Variants in CFAP300 observed in about 807,000 individuals in gnomAD.
CFAP300 encodes the protein cilia and flagella associated protein 300.
CFAP300 carries 32 observed loss-of-function variants against 33.0 expected under a neutral mutation model. The ratio of observed to expected loss-of-function variants is 0.97; its 90% CI spans 0.73 to 1.30. The LOEUF (loss-of-function observed/expected upper bound fraction) is 1.30. CFAP300 is among the 50% of genes most tolerant of loss of function. CFAP300 has a pLI of 0.00. For missense variants in CFAP300, 356 were observed against 318.1 expected (o/e 1.12, Z -0.90); for synonymous variants, 102 against 106.8 (o/e 0.95, Z 0.28).
Position 102,081,404 on chromosome 11 carries a change from G to A in CFAP300, c.675+123G>A. On this transcript the variant is annotated intron_variant, in intron 6 of 6. Transcript: ENST00000434758. ...AGGAGAAAAGACAATGTTATTTAGAGTTTTGTTAAAATTAAAAGTTGATAG... is the reference window on the plus strand; with the variant it reads ...AGGAGAAAAGACAATGTTATTTAGAATTTTGTTAAAATTAAAAGTTGATAG... 4.9e-6 allele frequency: 4 copies of A among 819,280 alleles called. No homozygotes were observed. In the South Asian group the frequency reaches 7.1e-5, roughly 14 times the overall value. The allele number at this position is 819,280 out of a possible 1,614,324, so 50.8% of individuals were successfully genotyped here.
intron 2 of CFAP300, chr11:102,057,923 T>C (rs150912980): frequency 0.014 from 2,157 of 152,418 alleles, 33 homozygotes; most frequent in Middle Eastern, 0.041. Flanking sequence ...TTGATGTTTA[T>C]GGCCATACCA....
rs370624488 is a variant in CFAP300 at position 102,074,042 on chromosome 11, T to G, written c.436-1831T>G. 1.6e-4 allele frequency among the ~76,000 whole-genome samples: 25 copies of G among 152,272 alleles called. 1 individual carries two copies. The highest frequency in any genetic ancestry group is 1.2e-3 in the Admixed American group (18 of 15,296). ...CAGCCTCCTCAGTGTACTGCGTCAC[T>G]CATTCCCTGGGGTACAAGACACCAT... On this transcript the variant is annotated intron_variant, in intron 4 of 6. Coordinates refer to ENST00000434758, the MANE Select transcript of CFAP300 (RefSeq NM_032930.3).
intron 5 of CFAP300, among the ~76,000 whole-genome samples, chr11:102,080,159 AT>A (rs955224002): frequency 6.6e-6 from 1 of 152,122 alleles, no homozygotes; most frequent in African/African-American, 2.4e-5. Context: ...TGTGTAAAAA[AT>A]GTTTTACAAA....
intron 4 of CFAP300, among the ~76,000 whole-genome samples, chr11:102,072,235 A>C (rs1246459527): frequency 6.7e-6 from 1 of 148,328 alleles, no homozygotes; most frequent in Non-Finnish European, 1.5e-5. Context: ...AAGTTCTGAA[A>C]CTCTTTCTTT....
intron 6 of CFAP300, among the ~76,000 whole-genome samples, 184 bp from the exon 7 acceptor site, chr11:102,082,887 C>T (rs556256814): frequency 6.6e-6 from 1 of 152,258 alleles, no homozygotes; most frequent in East Asian, 1.9e-4. Flanking sequence ...ATCCCAGCTA[C>T]TCGGGAAGCT....
intron 3 of CFAP300, among the ~76,000 whole-genome samples, chr11:102,062,761 A>T (rs1942167123): frequency 6.6e-6 from 1 of 152,202 alleles, no homozygotes; most frequent in African/African-American, 2.4e-5. Context: ...TGAAGAGAAC[A>T]CTGTTCAGAA....
At chr11:102,081,748 C>T (rs576594125) in intron 6 of CFAP300, among the ~76,000 whole-genome samples, 4 of 152,090 alleles carry the variant, frequency 2.6e-5, no homozygotes, top group East Asian at 3.9e-4. Context: ...AAAAATTAGC[C>T]GGGCATGGTG....
intron 5 of CFAP300, among the ~76,000 whole-genome samples, chr11:102,079,147 G>A (rs898138791): frequency 3.3e-5 from 5 of 152,128 alleles, no homozygotes; most frequent in African/African-American, 9.7e-5. Context: ...AATAATTTAT[G>A]TATAGTAAAA....
chr11:102,073,520 G>A (rs1483223464), intron 4 of CFAP300, among the ~76,000 whole-genome samples: 2 of 152,212 alleles, frequency 1.3e-5, no homozygotes, highest in African/African-American at 2.4e-5. Flanking sequence ...GGATCCTCTT[G>A]TGAGTTGGGC....
intron 3 of CFAP300, among the ~76,000 whole-genome samples, chr11:102,060,943 A>G (rs928188016): frequency 1.3e-5 from 2 of 152,170 alleles, no homozygotes; most frequent in Non-Finnish European, 2.9e-5. Context: ...CCAACTCAAA[A>G]TTTTCAAAAG....
chr11:102,063,919 A>G (rs975079224), intron 3 of CFAP300, among the ~76,000 whole-genome samples: 1 of 152,192 alleles, frequency 6.6e-6, no homozygotes, highest in Non-Finnish European at 1.5e-5. Context: ...GTTACATGTT[A>G]TAGACTCAAT....
intron 4 of CFAP300, among the ~76,000 whole-genome samples, chr11:102,070,406 C>A (rs2135039329): frequency 6.6e-6 from 1 of 152,288 alleles, no homozygotes; most frequent in African/African-American, 2.4e-5. Context: ...TAATTAAGTG[C>A]ACTTGCTACT....
intron 6 of CFAP300, among the ~76,000 whole-genome samples, chr11:102,081,823 G>C: frequency 6.6e-6 from 1 of 150,784 alleles, no homozygotes; most frequent in Non-Finnish European, 1.5e-5. Flanking sequence ...CCTGGGAGGC[G>C]GAGGTTGCAG....
At chr11:102,076,814 C>T (rs967928553) in intron 5 of CFAP300, among the ~76,000 whole-genome samples, 1 of 152,138 alleles carries the variant, frequency 6.6e-6, no homozygotes, top group Non-Finnish European at 1.5e-5. Flanking sequence ...AGCTATACAG[C>T]AAACTGCATA....
chr11:102,048,978 C>T (rs536437506), intron 2 of CFAP300, among the ~76,000 whole-genome samples: 4 of 151,966 alleles, frequency 2.6e-5, no homozygotes, highest in South Asian at 2.1e-4. Context: ...GCTGGGGATA[C>T]GAGGAGGAAC....
chr11:102,079,765 A>G lies in CFAP300; in HGVS notation c.609-1450A>G, dbSNP rs372877270. 5.0e-4 allele frequency among the ~76,000 whole-genome samples: 76 copies of G among 152,330 alleles called. 1 individual carries two copies. Among genetic ancestry groups the G allele is most frequent in the South Asian group, 2.9e-3 (14 of 4,834 alleles). On this transcript the variant is annotated intron_variant, in intron 5 of 6. Coordinates refer to ENST00000434758, the MANE Select transcript of CFAP300 (RefSeq NM_032930.3). ...TTAATAATACCTTTGATACCTATGT[A>G]TTAAATATTTATAGAGTGTATAGGT...
chr11:102,050,092 T>G (rs1453634998), intron 2 of CFAP300, among the ~76,000 whole-genome samples: 3 of 152,110 alleles, frequency 2.0e-5, no homozygotes, highest in Admixed American at 2.0e-4. Flanking sequence ...ATCGCACCTC[T>G]GCACCATAGC....
At chr11:102,078,286 C>T (rs1444237265) in intron 5 of CFAP300, among the ~76,000 whole-genome samples, 1 of 152,128 alleles carries the variant, frequency 6.6e-6, no homozygotes, top group African/African-American at 2.4e-5. Flanking sequence ...CAGAAATAAT[C>T]GCAAATGACA....
chr11:102,052,883 T>A (rs934962088), intron 2 of CFAP300, among the ~76,000 whole-genome samples: 1 of 152,194 alleles, frequency 6.6e-6, no homozygotes, highest in African/African-American at 2.4e-5. Context: ...GCAGCCAGAA[T>A]GAACTTTAAA....
Sources: allele counts gnomAD v4.1 joint callset (sites outside exome capture counted in the v4.1 genomes callset), GRCh38; gene constraint gnomAD v4.1.1; transcripts MANE v1.5; gene names NCBI Gene and HGNC (gene_info 2026-07-23, HGNC 2026-07-21).